AGPS: variants seen among roughly 807,000 people sequenced by gnomAD.
AGPS encodes the protein alkylglycerone phosphate synthase.
AGPS carries 26 observed loss-of-function variants against 90.7 expected under a neutral mutation model. That is an observed-to-expected ratio of 0.29 (90% CI 0.21 to 0.40). The LOEUF (loss-of-function observed/expected upper bound fraction) is 0.40, where lower values mean the gene tolerates loss of function less well. Among genes scored for constraint, AGPS ranks in the 10% least tolerant of loss-of-function variants. The pLI is 1.00. For synonymous variants in AGPS, 294 were observed against 285.3 expected, an observed-to-expected ratio of 1.03 and a Z score of -0.31; for missense variants, 540 against 816.1, an observed-to-expected ratio of 0.66 and a Z score of 4.12.
chr2:177,394,035 G>A (rs1685098975), intron 1 of AGPS, among the ~76,000 whole-genome samples: 1 of 152,154 alleles, frequency 6.6e-6, no homozygotes, highest in Non-Finnish European at 1.5e-5. Context: ...TAAGTCTGCT[G>A]GAGTCTTAGC....
intron 12 of AGPS, among the ~76,000 whole-genome samples, chr2:177,494,336 A>T (rs1238761774): frequency 6.6e-6 from 1 of 152,184 alleles, no homozygotes; most frequent in East Asian, 1.9e-4. Context: ...CTTTAAGTAA[A>T]TTACTTTCAA....
intron 10 of AGPS, among the ~76,000 whole-genome samples, chr2:177,472,011 C>G (rs1687637675): frequency 6.6e-6 from 1 of 151,784 alleles, no homozygotes; most frequent in South Asian, 2.1e-4. Flanking sequence ...GTTGATAGTC[C>G]TGGGTTATTT....
intron 11 of AGPS, among the ~76,000 whole-genome samples, chr2:177,490,306 C>G (rs1033094047): frequency 6.6e-6 from 1 of 151,972 alleles, no homozygotes; most frequent in African/African-American, 2.4e-5. Context: ...GATCATAAAC[C>G]AACCTAGATG....
intron 8 of AGPS, among the ~76,000 whole-genome samples, chr2:177,460,003 A>G (rs901073363): frequency 4.6e-5 from 7 of 152,240 alleles, no homozygotes; most frequent in Non-Finnish European, 2.9e-5. Context: ...GGATGAGTTC[A>G]TGTCCTTTGT....
Position 177,541,290 on chromosome 2 carries a change from A to G in AGPS, c.*3095A>G, listed in dbSNP as rs1052480599. On this transcript the variant is annotated 3_prime_UTR_variant, in exon 20 of 20. Transcript: ENST00000264167. ...GCTAAGTCCTAGCTTGCATTTTTGA[A>G]AATGCCTTTCTGCATGTTAGCACCC... 10 of 152,140 alleles carry G rather than the reference A, an allele frequency of 6.6e-5. No individual in the cohort carries two copies. The highest frequency in any genetic ancestry group is 2.4e-4 in the African/African-American group (10 of 41,456). The allele number at this position is 152,140 out of a possible 1,614,324, so 9.4% of individuals were successfully genotyped here.
intron 10 of AGPS, among the ~76,000 whole-genome samples, chr2:177,477,648 T>A (rs1194070488): frequency 6.6e-6 from 1 of 152,200 alleles, no homozygotes; most frequent in East Asian, 1.9e-4. Flanking sequence ...AGATAAGGGA[T>A]ATTCAACATT....
rs1381056861 is a variant in AGPS, at chr2:177,513,903, A to G, written c.1692A>G (p.Thr564=). 1.9e-6 allele frequency: 3 copies of G among 1,611,350 alleles called. No individual in the cohort carries two copies. Among genetic ancestry groups the G allele is most frequent in the East Asian group, 4.5e-5 (2 of 44,810 alleles). ...GTGTTCAGTTTGCTCCTTTTTCTAC[A>G]TGCAGGTAAGTTTTAAAAATTGTTC... ...EKGVQFAPFS[T]CRVTQTYDAG... Residue 564 remains threonine (T), a synonymous_variant, in exon 17 of 20, where the codon ACA becomes ACG. Coordinates refer to ENST00000264167, the MANE Select transcript of AGPS (RefSeq NM_003659.4).
intron 2 of AGPS, among the ~76,000 whole-genome samples, chr2:177,427,981 A>G (rs773201354): frequency 2.0e-4 from 31 of 152,120 alleles, no homozygotes; most frequent in Middle Eastern, 3.2e-3. Context: ...GTAGGTCTCT[A>G]ATAATTTGCT....
rs533896477 is a variant in AGPS, at chr2:177,436,698, C to T, written c.442-66C>T. ...AAAGTCTACATTTTATAGTCATTCT[C>T]TCTAACTGAAGTACCCAAAATTCGT... On this transcript the variant is annotated intron_variant, in intron 3 of 19. Transcript: ENST00000264167. 27 of 1,503,842 alleles carry T rather than the reference C, an allele frequency of 1.8e-5. No homozygotes were observed. The Middle Eastern group carries it at 7.1e-4, about 40-fold the overall frequency. 93.2% of individuals were successfully genotyped at this position (1,503,842 alleles called of 1,614,324 possible). A position where few individuals can be genotyped will look rare whatever the true frequency, so the allele number is the denominator to read the frequency against.
intron 14 of AGPS, among the ~76,000 whole-genome samples, chr2:177,504,004 A>G (rs370525479): frequency 2.0e-5 from 3 of 152,222 alleles, no homozygotes; most frequent in African/African-American, 7.2e-5. Context: ...TCATCTCGAC[A>G]TAACAGAGGC....
At chr2:177,460,069 A>C (rs1262352441) in intron 8 of AGPS, among the ~76,000 whole-genome samples, 1 of 152,254 alleles carries the variant, frequency 6.6e-6, no homozygotes, top group East Asian at 1.9e-4. Flanking sequence ...ACAAGATCAG[A>C]AAACAAAACA....
Position 177,538,549 on chromosome 2 carries a change from C to T in AGPS, c.*354C>T. 3.2e-6 allele frequency: 1 copy of T among 311,986 alleles called. No individual in the cohort carries two copies. Among genetic ancestry groups the T allele is most frequent in the South Asian group, 3.0e-5 (1 of 32,814 alleles). The allele number at this position is 311,986 out of a possible 1,614,324, so 19.3% of individuals were successfully genotyped here. A position where few individuals can be genotyped will look rare whatever the true frequency, so the allele number is the denominator to read the frequency against. ...GACAGATTTGGTATCATTGATTGCTCAGCTAGCCTCTTTTTAAAAGAACGT... is the reference window on the plus strand; with the variant it reads ...GACAGATTTGGTATCATTGATTGCTTAGCTAGCCTCTTTTTAAAAGAACGT... On this transcript the variant is annotated 3_prime_UTR_variant, in exon 20 of 20. Transcript: ENST00000264167.
In AGPS at chr2:177,409,728, G is replaced by A. The variant is rs1414787338; in HGVS notation, c.261-10541G>A. Among the ~76,000 whole-genome samples, 4 of 152,130 alleles carry A rather than the reference G, an allele frequency of 2.6e-5. No homozygotes were observed. The East Asian group carries it at 7.7e-4, about 29-fold the overall frequency. ...TTCGATCTCATCAACATTGGAGCAT[G>A]GGCTAGTAGGCCGGTCTAGGGGTCC... On this transcript the variant is annotated intron_variant, in intron 1 of 19. Transcript: ENST00000264167.
chr2:177,499,761 A>G (rs1291534541), intron 14 of AGPS, 31 bp downstream of exon 14: 1 of 1,385,760 alleles, frequency 7.2e-7, no homozygotes, highest in East Asian at 2.3e-5. Flanking sequence ...TGCCAAGAGA[A>G]AGAGTTAAAA....
chr2:177,523,684 T>C, intron 18 of AGPS, 64 bp from the exon 19 acceptor site: 1 of 1,457,958 alleles, frequency 6.9e-7, no homozygotes, highest in Non-Finnish European at 9.6e-7. Context: ...GAGTTGGGTC[T>C]TTTTCTTTCA....
chr2:177,490,238 T>C (rs1688211087), intron 11 of AGPS, among the ~76,000 whole-genome samples: 1 of 152,166 alleles, frequency 6.6e-6, no homozygotes, highest in Admixed American at 6.5e-5. Flanking sequence ...TAAGAAATGT[T>C]TTCAGCTTTA....
At chr2:177,400,414 A>T (rs576904579) in intron 1 of AGPS, among the ~76,000 whole-genome samples, 1 of 152,306 alleles carries the variant, frequency 6.6e-6, no homozygotes, top group African/African-American at 2.4e-5. Flanking sequence ...AATTTTTTGT[A>T]TAGTTTTCTT....
chr2:177,536,909 A>G (rs1037188620), intron 19 of AGPS, among the ~76,000 whole-genome samples: 4 of 152,186 alleles, frequency 2.6e-5, no homozygotes, highest in South Asian at 2.1e-4. Flanking sequence ...GGCAGATGCT[A>G]TGATGTATCA....
chr2:177,499,338 T>TTATTTCAACAACAACAACAAAAC (rs1688491674), intron 13 of AGPS, among the ~76,000 whole-genome samples: 1 of 151,930 alleles, frequency 6.6e-6, no homozygotes, highest in African/African-American at 2.4e-5. Context: ...CAACAAGTTA[T>TTATTTCAACAACAACAACAAAAC]TTGTTGTATT....
Sources: allele counts gnomAD v4.1 joint callset (sites outside exome capture counted in the v4.1 genomes callset), GRCh38; gene constraint gnomAD v4.1.1; transcripts MANE v1.5; gene names NCBI Gene and HGNC (gene_info 2026-07-23, HGNC 2026-07-21).